LATS1: variants seen among roughly 807,000 people sequenced by gnomAD.
LATS1 encodes the protein large tumor suppressor kinase 1, also known as serine/threonine-protein kinase LATS1.
Under a neutral mutation model 106.6 loss-of-function variants are expected in LATS1, and 25 were observed. The observed-to-expected ratio is 0.23, with a 90% CI of 0.17 to 0.33. The LOEUF (loss-of-function observed/expected upper bound fraction) is 0.33, where lower values mean the gene tolerates loss of function less well. Among genes scored for constraint, LATS1 ranks in the 10% least tolerant of loss-of-function variants. The pLI is 1.00. For synonymous variants in LATS1, 465 were observed against 455.6 expected, an observed-to-expected ratio of 1.02 and a Z score of -0.26; for missense variants, 1,040 against 1,382.6, an observed-to-expected ratio of 0.75 and a Z score of 3.93.
chr6:149,698,828 C>T (rs529049775), intron 2 of LATS1, among the ~76,000 whole-genome samples: 9 of 152,156 alleles, frequency 5.9e-5, no homozygotes, highest in African/African-American at 1.9e-4. Context: ...TCCCAAAGTG[C>T]TAGGATACAG....
At chr6:149,706,981 T>C (rs1250263603) in intron 1 of LATS1, among the ~76,000 whole-genome samples, 10 of 151,012 alleles carry the variant, frequency 6.6e-5, no homozygotes, top group Admixed American at 5.3e-4. Context: ...TTAACCAAAA[T>C]GGGATCATAA....
intron 2 of LATS1, among the ~76,000 whole-genome samples, chr6:149,699,775 T>C (rs374657008): frequency 2.0e-5 from 3 of 152,322 alleles, no homozygotes; most frequent in Admixed American, 2.0e-4. Flanking sequence ...GTATAGGCCA[T>C]GTCACTATCC....
intron 2 of LATS1, among the ~76,000 whole-genome samples, chr6:149,695,742 A>G (rs1783026166): frequency 6.6e-6 from 1 of 151,160 alleles, no homozygotes. Flanking sequence ...TAGCATTTTC[A>G]TCTTTATGTA....
In LATS1 at chr6:149,660,405, A is replaced by G. The variant is rs1008096658; in HGVS notation, c.*1324T>C. The G allele has an allele frequency of 1.7e-5, 4 of 233,034 alleles. No homozygotes were observed. Among genetic ancestry groups the G allele is most frequent in the Non-Finnish European group, 3.4e-5 (4 of 117,996 alleles). 14.4% of individuals were successfully genotyped at this position (233,034 alleles called of 1,614,324 possible). On this transcript the variant is annotated 3_prime_UTR_variant, in exon 8 of 8. Transcript: ENST00000543571. ...AATTAGCTTTTATGCGAAGAAAGCT[A>G]AAAGTATGAAAATCACTAAAATTAT... is the stretch of plus-strand genomic sequence containing the variant.
intron 5 of LATS1, among the ~76,000 whole-genome samples, chr6:149,678,626 G>C (rs986644005): frequency 6.6e-6 from 1 of 152,188 alleles, no homozygotes; most frequent in South Asian, 2.1e-4. Context: ...GAGCATATTA[G>C]AATATATGGT....
chr6:149,691,172 G>T (rs1057119537), intron 3 of LATS1, among the ~76,000 whole-genome samples: 15 of 152,076 alleles, frequency 9.9e-5, no homozygotes, highest in Non-Finnish European at 2.1e-4. Flanking sequence ...GATTAAATTA[G>T]GTCATTAGGG....
At chr6:149,662,307 T>C in intron 7 of LATS1, 69 bp from the exon 8 acceptor site, 1 of 1,294,496 alleles carries the variant, frequency 7.7e-7, no homozygotes, top group South Asian at 1.5e-5. Flanking sequence ...TCAAGTTTTA[T>C]ACCAAAAGTC....
chr6:149,689,438 C>T (rs1241726881), intron 3 of LATS1, among the ~76,000 whole-genome samples: 2 of 150,710 alleles, frequency 1.3e-5, no homozygotes, highest in Non-Finnish European at 3.0e-5. Context: ...AAAAAAATTA[C>T]CCTTTTAGCA....
intron 7 of LATS1, among the ~76,000 whole-genome samples, chr6:149,672,274 A>G (rs1781483235): frequency 6.6e-6 from 1 of 151,418 alleles, no homozygotes; most frequent in South Asian, 2.1e-4. Context: ...CAGTGGCACA[A>G]TCTTAGCTCA....
intron 1 of LATS1, among the ~76,000 whole-genome samples, chr6:149,707,002 T>C (rs912531175): frequency 7.4e-5 from 11 of 148,280 alleles, no homozygotes; most frequent in Non-Finnish European, 1.5e-4. Context: ...TACACAAAAC[T>C]GGACATCTCT....
At chr6:149,697,148 A>G in intron 2 of LATS1, 1 of 1,347,348 alleles carries the variant, frequency 7.4e-7, no homozygotes, top group Non-Finnish European at 9.8e-7. Context: ...ATGGCTTAGT[A>G]AGACTAATGG....
chr6:149,695,334 G>A (rs1032640074), intron 2 of LATS1, 113 bp from the exon 3 acceptor site: 9 of 639,552 alleles, frequency 1.4e-5, no homozygotes, highest in Admixed American at 6.7e-5. Flanking sequence ...GAAGAACACA[G>A]CCCCAAACCA....
intron 7 of LATS1, among the ~76,000 whole-genome samples, chr6:149,664,743 T>G (rs1238174210): frequency 6.6e-6 from 1 of 152,152 alleles, no homozygotes; most frequent in African/African-American, 2.4e-5. Flanking sequence ...TTTTAAAAAA[T>G]TAATTCTCAC....
At chr6:149,679,658 T>C (rs553373556) in intron 5 of LATS1, among the ~76,000 whole-genome samples, 1 of 152,236 alleles carries the variant, frequency 6.6e-6, no homozygotes, top group Admixed American at 6.5e-5. Context: ...GTCTAGCACA[T>C]TCTTTCATTT....
intron 4 of LATS1, chr6:149,682,869 T>C: frequency 1.8e-6 from 1 of 554,558 alleles, no homozygotes; most frequent in East Asian, 3.1e-5. Flanking sequence ...CGAGATTTTA[T>C]TATAGGAAAT....
At chr6:149,691,042 C>T (rs558104260) in intron 3 of LATS1, among the ~76,000 whole-genome samples, 10 of 152,148 alleles carry the variant, frequency 6.6e-5, no homozygotes, top group African/African-American at 2.4e-4. Flanking sequence ...GTCCTCAACC[C>T]ACTCCAATCT....
intron 2 of LATS1, among the ~76,000 whole-genome samples, chr6:149,699,492 T>A (rs1483954732): frequency 6.7e-6 from 1 of 150,088 alleles, no homozygotes; most frequent in Non-Finnish European, 1.5e-5. Flanking sequence ...AAAAATAAAA[T>A]AAATAAATAA....
intron 5 of LATS1, among the ~76,000 whole-genome samples, chr6:149,678,191 A>AAAAAAAAAAG: frequency 6.7e-6 from 1 of 148,674 alleles, no homozygotes; most frequent in Non-Finnish European, 1.5e-5. Context: ...AAAAAAAAAA[A>AAAAAAAAAAG]AAAATAGCCG....
chr6:149,670,219 G>GA (rs888206797), intron 7 of LATS1, among the ~76,000 whole-genome samples: 24 of 106,320 alleles, frequency 2.3e-4, no homozygotes, highest in Non-Finnish European at 3.6e-4. Context: ...GAAAAGAAAA[G>GA]AAAACTTAAT....
Sources: gnomAD v4.1 joint callset for allele counts (sites outside exome capture counted in the v4.1 genomes callset) on GRCh38, gnomAD v4.1.1 for gene constraint, MANE v1.5 for transcripts, NCBI Gene and HGNC (gene_info 2026-07-23, HGNC 2026-07-21) for gene names.